The following PTPRD variants were observed in gnomAD, a reference collection of about 807,000 sequenced individuals.
The protein encoded by PTPRD is receptor-type tyrosine-protein phosphatase delta.
In PTPRD, 34 loss-of-function variants were observed where a neutral mutation model predicts 214.5. The observed-to-expected ratio is 0.16, with a 90% CI of 0.12 to 0.21. The LOEUF is 0.21. PTPRD is among the 10% of genes least tolerant of loss of function. The pLI, the probability that PTPRD is intolerant of heterozygous loss-of-function variation, is 1.00. For synonymous variants in PTPRD, 1,128 were observed against 845.7 expected (o/e 1.33, Z -5.79); for missense variants, 2,545 against 2,398.7 (o/e 1.06, Z -1.27).
intron 42 of PTPRD, 40 bp from the exon 43 acceptor site, chr9:8,339,087 T>A (rs2132245125): frequency 6.3e-7 from 1 of 1,579,642 alleles, no homozygotes. Flanking sequence ...ATGCAAAGTA[T>A]AAAGAACATT....
intron 26 of PTPRD, among the ~76,000 whole-genome samples, chr9:8,493,554 C>G (rs1442025068): frequency 6.6e-6 from 1 of 152,116 alleles, no homozygotes; most frequent in Non-Finnish European, 1.5e-5. Context: ...CCTAGATACC[C>G]TGAGAGAGAA....
chr9:8,708,092 G>T (rs1366318258), intron 12 of PTPRD, among the ~76,000 whole-genome samples: 6 of 151,246 alleles, frequency 4.0e-5, no homozygotes, highest in Admixed American at 1.3e-4. Context: ...TGAAATAAAG[G>T]GGAAATCTCA....
At chr9:8,598,453 T>C (rs909945824) in intron 14 of PTPRD, among the ~76,000 whole-genome samples, 1 of 149,134 alleles carries the variant, frequency 6.7e-6, no homozygotes, top group Non-Finnish European at 1.5e-5. Context: ...AGAACAAGAC[T>C]GTCTCAAAAA....
chr9:9,077,513 C>T (rs2099753032), intron 10 of PTPRD, among the ~76,000 whole-genome samples: 2 of 152,062 alleles, frequency 1.3e-5, no homozygotes, highest in South Asian at 2.1e-4. Flanking sequence ...GATTAAAATA[C>T]ATACACATGC....
chr9:10,601,508 C>A (rs1203271452), intron 2 of PTPRD, among the ~76,000 whole-genome samples: 2 of 151,578 alleles, frequency 1.3e-5, no homozygotes, highest in East Asian at 3.9e-4. Context: ...GAGACCTAAT[C>A]CAATATATCT....
chr9:9,892,629 T>A (rs918909803), intron 5 of PTPRD, among the ~76,000 whole-genome samples: 1 of 152,002 alleles, frequency 6.6e-6, no homozygotes, highest in Non-Finnish European at 1.5e-5. Flanking sequence ...GGAAATGATC[T>A]CACTATGTAT....
chr9:9,897,224 G>T (rs1187495115), intron 5 of PTPRD, among the ~76,000 whole-genome samples: 2 of 151,828 alleles, frequency 1.3e-5, no homozygotes, highest in Non-Finnish European at 2.9e-5. Flanking sequence ...CAGAATTGTT[G>T]CTTAAATCTA....
At chr9:8,622,696 T>C (rs763958396) in intron 14 of PTPRD, among the ~76,000 whole-genome samples, 14 of 151,930 alleles carry the variant, frequency 9.2e-5, no homozygotes, top group Non-Finnish European at 1.6e-4. Context: ...TTAATACAAA[T>C]TGCTTCTCAT....
At chr9:8,755,793 T>A (rs971367149) in intron 11 of PTPRD, among the ~76,000 whole-genome samples, 1 of 152,150 alleles carries the variant, frequency 6.6e-6, no homozygotes, top group African/African-American at 2.4e-5. Flanking sequence ...CAAAGTAGAA[T>A]TGAACTCAAA....
chr9:9,352,555 C>T (rs2138323577), intron 9 of PTPRD, among the ~76,000 whole-genome samples: 2 of 151,956 alleles, frequency 1.3e-5, no homozygotes, highest in South Asian at 2.1e-4. Context: ...ACTCTTCACT[C>T]TGTTGCCTTC....
intron 34 of PTPRD, among the ~76,000 whole-genome samples, chr9:8,437,899 CT>C (rs1160983569): frequency 6.6e-6 from 1 of 152,172 alleles, no homozygotes; most frequent in African/African-American, 2.4e-5. Context: ...TGTTTTCTCA[CT>C]TTTCATATGA....
chr9:10,454,044 G>C (rs1369461221), intron 2 of PTPRD, among the ~76,000 whole-genome samples: 4 of 151,472 alleles, frequency 2.6e-5, no homozygotes, highest in African/African-American at 9.7e-5. Flanking sequence ...ATACAAGATA[G>C]TATCCACCAG....
chr9:10,428,437 A>G (rs984183952), intron 2 of PTPRD, among the ~76,000 whole-genome samples: 22 of 152,204 alleles, frequency 1.4e-4, no homozygotes, highest in African/African-American at 5.1e-4. Flanking sequence ...TTCTGGGTAA[A>G]ATATTTTCTA....
At chr9:8,328,434 C>T (rs1054369083) in intron 44 of PTPRD, among the ~76,000 whole-genome samples, 2 of 152,178 alleles carry the variant, frequency 1.3e-5, no homozygotes, top group Non-Finnish European at 2.9e-5. Flanking sequence ...ACATTTGTCT[C>T]TGGCTGCCCT....
intron 34 of PTPRD, 78 bp downstream of exon 34, chr9:8,449,647 C>A (rs2095860311): frequency 7.7e-7 from 1 of 1,302,954 alleles, no homozygotes; most frequent in African/African-American, 1.5e-5. Flanking sequence ...AAAGTGATAC[C>A]TTCAACTCTT....
At chr9:10,349,574 A>G (rs1292294007) in intron 2 of PTPRD, among the ~76,000 whole-genome samples, 1 of 152,156 alleles carries the variant, frequency 6.6e-6, no homozygotes, top group East Asian at 1.9e-4. Flanking sequence ...TATTTTTTAG[A>G]GTGTCATTTG....
At chr9:8,437,972 C>T (rs2095416857) in intron 34 of PTPRD, among the ~76,000 whole-genome samples, 1 of 152,140 alleles carries the variant, frequency 6.6e-6, no homozygotes, top group Admixed American at 6.5e-5. Flanking sequence ...ATTGCTGACT[C>T]TTATCTTACA....
chr9:10,560,313 AAAAC>A (rs1165563758), intron 2 of PTPRD, among the ~76,000 whole-genome samples: 1 of 152,116 alleles, frequency 6.6e-6, no homozygotes, highest in African/African-American at 2.4e-5. Flanking sequence ...CAAGAACAAA[AAAAC>A]AAACACCGCA....
chr9:8,330,341 TG>T lies in PTPRD; in HGVS notation c.5534+1240del, dbSNP rs200051954. Among the ~76,000 whole-genome samples, 313 of 152,260 alleles carry T rather than the reference TG, an allele frequency of 2.1e-3. 4 individuals carry two copies. The East Asian group carries it at 0.024, about 12-fold the overall frequency. On this transcript the variant is annotated intron_variant, in intron 44 of 45. Transcript: ENST00000381196. Reference sequence around the variant, plus strand: ...TTTCCAGCTCTTGTAAGTACATTGTTGTTTGTTTAGACCTAATGCTATTGCA... The same window carrying T: ...TTTCCAGCTCTTGTAAGTACATTGTTTTTGTTTAGACCTAATGCTATTGCA...
Sources: gnomAD v4.1 joint callset for allele counts (sites outside exome capture counted in the v4.1 genomes callset) on GRCh38, gnomAD v4.1.1 for gene constraint, MANE v1.5 for transcripts, NCBI Gene and HGNC (gene_info 2026-07-23, HGNC 2026-07-21) for gene names.